QSOX1: variants seen among roughly 807,000 people sequenced by gnomAD.
QSOX1 encodes the protein sulfhydryl oxidase 1.
In QSOX1, 40 loss-of-function variants were observed where a neutral mutation model predicts 76.1. That is an observed-to-expected ratio of 0.53 (90% CI 0.41 to 0.68). QSOX1 has a LOEUF of 0.68. Among genes scored for constraint, QSOX1 ranks in the 30% least tolerant of loss-of-function variants. The pLI, the probability that QSOX1 is intolerant of heterozygous loss-of-function variation, is 0.00. For synonymous variants in QSOX1, 392 were observed against 413.1 expected (o/e 0.95, Z 0.62); for missense variants, 931 against 974.3 (o/e 0.96, Z 0.59).
chr1:180,188,560 A>G (rs1663230281), intron 8 of QSOX1, among the ~76,000 whole-genome samples: 1 of 152,234 alleles, frequency 6.6e-6, no homozygotes, highest in African/African-American at 2.4e-5. Flanking sequence ...GCTCACCAGG[A>G]GGGCACGTGT....
intron 4 of QSOX1, 122 bp from the exon 5 acceptor site, chr1:180,178,672 G>A: frequency 1.2e-6 from 1 of 821,682 alleles, no homozygotes; most frequent in Non-Finnish European, 2.1e-6. Flanking sequence ...GCCCTGTGTG[G>A]AAGCGGAGGA....
chr1:180,181,944 A>G (rs1663048975), intron 5 of QSOX1, among the ~76,000 whole-genome samples: 1 of 152,258 alleles, frequency 6.6e-6, no homozygotes, highest in South Asian at 2.1e-4. Context: ...TGGCATGCAC[A>G]GCTCCAAGGC....
intron 1 of QSOX1, among the ~76,000 whole-genome samples, chr1:180,157,631 A>C (rs1016771740): frequency 6.6e-6 from 1 of 152,212 alleles, no homozygotes; most frequent in Non-Finnish European, 1.5e-5. Flanking sequence ...TGACTAGGGC[A>C]GTAGATTCTC....
rs1276008417 is a variant in QSOX1 at position 180,186,104 on chromosome 1, G to T, written c.939G>T (p.Arg313=). The change falls in exon 8 of 12, where the codon CGG becomes CGT. Residue 313 remains arginine, a synonymous_variant. Coordinates refer to ENST00000367602, the MANE Select transcript of QSOX1 (RefSeq NM_002826.5). ...DLESALHYIL[R]IEVGRFPVLE... The stretch of plus-strand genomic sequence containing the variant: ...AATCTGCACTGCACTACATCCTGCG[G>T]ATAGAAGTGGGCAGGTTCCCGGTCC... 1 of 1,614,112 alleles carries T rather than the reference G, an allele frequency of 6.2e-7. No individual in the cohort carries two copies. The highest frequency in any genetic ancestry group is 1.3e-5 in the African/African-American group (1 of 74,946).
intron 8 of QSOX1, among the ~76,000 whole-genome samples, chr1:180,188,328 TGTG>T (rs1663224510): frequency 1.3e-5 from 2 of 152,236 alleles, no homozygotes. Flanking sequence ...TCTCCCAGCC[TGTG>T]CTCCCTCCTG....
rs908031601 is a variant in QSOX1 at position 180,203,314 on chromosome 1, C to T, written c.*6277C>T. On this transcript the variant is annotated 3_prime_UTR_variant, in exon 12 of 12. Coordinates refer to ENST00000367602, the MANE Select transcript of QSOX1 (RefSeq NM_002826.5). ...TCTAGAAAAAGTCTAGAAAAATACA[C>T]ACTGAACTGTGAATAGCAGTTATAT... 1 of 152,126 alleles carries T rather than the reference C, an allele frequency of 6.6e-6. No homozygotes were observed. Among genetic ancestry groups the T allele is most frequent in the Non-Finnish European group, 1.5e-5 (1 of 68,034 alleles). The allele number at this position is 152,126 out of a possible 1,614,324, so 9.4% of individuals were successfully genotyped here.
chr1:180,161,884 G>A (rs77255654), intron 1 of QSOX1, among the ~76,000 whole-genome samples: 3,907 of 152,140 alleles, frequency 0.026, 156 homozygotes, highest in African/African-American at 0.088. Flanking sequence ...GTATTATCTC[G>A]AAGTTATCAG....
At position 180,199,969 on chromosome 1, in the gene QSOX1, T is replaced by G. The variant is rs1006287073; in HGVS notation, c.*2932T>G. On this transcript the variant is annotated 3_prime_UTR_variant, in exon 12 of 12. Transcript: ENST00000367602. ...GGGTGGGAAGACCCCTGATGCAGCC[T>G]GTCCTCTGGGTGTGGGGGTGGAGGA... 6.6e-6 allele frequency: 1 copy of G among 151,272 alleles called. No homozygotes were observed. Among genetic ancestry groups the G allele is most frequent in the East Asian group, 2.0e-4 (1 of 5,096 alleles). 9.4% of individuals were successfully genotyped at this position (151,272 alleles called of 1,614,324 possible).
At chr1:180,195,555 C>T (rs1346943563) in intron 11 of QSOX1, among the ~76,000 whole-genome samples, 4 of 152,174 alleles carry the variant, frequency 2.6e-5, no homozygotes, top group South Asian at 2.1e-4. Flanking sequence ...GGCTGGTGGC[C>T]GTGGCTCACC....
At chr1:180,175,235 A>C in intron 2 of QSOX1, 86 bp from the exon 3 acceptor site, 1 of 1,245,708 alleles carries the variant, frequency 8.0e-7, no homozygotes, top group Non-Finnish European at 1.2e-6. Flanking sequence ...GCATTGAATA[A>C]GTAGGCAGAT....
chr1:180,194,438 A>G, intron 11 of QSOX1, 46 bp downstream of exon 11: 1 of 1,498,632 alleles, frequency 6.7e-7, no homozygotes, highest in East Asian at 2.4e-5. Flanking sequence ...GTGGGGGACG[A>G]GGGGGTGAGG....
chr1:180,200,631 A>G lies in QSOX1; in HGVS notation c.*3594A>G, dbSNP rs1010543990. ...TTAAATCTCATTTAATCCTCCAACAACGCAAGATGAAGAAGCTGAGGCTTA... is the reference window on the plus strand; with the variant it reads ...TTAAATCTCATTTAATCCTCCAACAGCGCAAGATGAAGAAGCTGAGGCTTA... On this transcript the variant is annotated 3_prime_UTR_variant, in exon 12 of 12. Transcript: ENST00000367602. 1.3e-5 allele frequency: 2 copies of G among 152,226 alleles called. No individual in the cohort carries two copies. Among genetic ancestry groups the G allele is most frequent in the Non-Finnish European group, 2.9e-5 (2 of 68,046 alleles). The allele number at this position is 152,226 out of a possible 1,614,324, so 9.4% of individuals were successfully genotyped here. A position where few individuals can be genotyped will look rare whatever the true frequency, so the allele number is the denominator to read the frequency against.
At chr1:180,170,524 C>G (rs147905958) in intron 2 of QSOX1, among the ~76,000 whole-genome samples, 46 of 152,238 alleles carry the variant, frequency 3.0e-4, no homozygotes, top group African/African-American at 9.9e-4. Context: ...TTCGTGAAGA[C>G]CAGCCTGGTG....
chr1:180,187,817 A>G (rs778793838), intron 8 of QSOX1, among the ~76,000 whole-genome samples: 1 of 152,220 alleles, frequency 6.6e-6, no homozygotes, highest in Non-Finnish European at 1.5e-5. Context: ...CCGCAGTAGC[A>G]GCAGAGGCAT....
intron 10 of QSOX1, among the ~76,000 whole-genome samples, chr1:180,193,005 C>T (rs757294871): frequency 4.6e-5 from 7 of 151,740 alleles, no homozygotes; most frequent in South Asian, 2.1e-4. Context: ...CTGGAGGTGG[C>T]GCAAGATGAG....
intron 1 of QSOX1, among the ~76,000 whole-genome samples, chr1:180,158,465 G>A (rs1662419157): frequency 6.6e-6 from 1 of 152,236 alleles, no homozygotes. Flanking sequence ...CAGCGTGAGT[G>A]TAGAACCTTC....
chr1:180,155,606 T>TGG lies in QSOX1; in HGVS notation c.265+436_265+437dup, dbSNP rs562366179. 5.9e-5 allele frequency among the ~76,000 whole-genome samples: 9 copies of TGG among 152,348 alleles called. No individual in the cohort carries two copies. The East Asian group carries it at 1.7e-3, about 29-fold the overall frequency. On this transcript the variant is annotated intron_variant, in intron 1 of 11. Transcript: ENST00000367602. ...TTCCTGCCAGGTTCCCTAGCTGCTG[T>TGG]GGGTCAGTGCTGGGGAGAAAAGGGA...
chr1:180,175,793 A>G (rs1662875079), intron 3 of QSOX1, 138 bp from the exon 4 acceptor site: 1 of 682,896 alleles, frequency 1.5e-6, no homozygotes, highest in Non-Finnish European at 2.6e-6. Flanking sequence ...TAGCACAGGG[A>G]AGGACTGACG....
At chr1:180,177,654 G>T (rs544281397) in intron 4 of QSOX1, among the ~76,000 whole-genome samples, 29 of 152,310 alleles carry the variant, frequency 1.9e-4, no homozygotes, top group African/African-American at 6.0e-4. Flanking sequence ...GGGGAAAGGG[G>T]TACTGGCCCC....
Sources: gnomAD v4.1 joint callset for allele counts (sites outside exome capture counted in the v4.1 genomes callset) on GRCh38, gnomAD v4.1.1 for gene constraint, MANE v1.5 for transcripts, NCBI Gene and HGNC (gene_info 2026-07-23, HGNC 2026-07-21) for gene names.